CNTN5: variants seen among roughly 807,000 people sequenced by gnomAD.
CNTN5 encodes the protein contactin 5, also known as contactin-5.
In CNTN5, 77 loss-of-function variants were observed where a neutral mutation model predicts 129.1. The ratio of observed to expected loss-of-function variants is 0.60; its 90% CI spans 0.50 to 0.72. The LOEUF (loss-of-function observed/expected upper bound fraction) is 0.72. Ranked by LOEUF, CNTN5 falls within the 30% of genes least tolerant of loss-of-function variation. The pLI, the probability that CNTN5 is intolerant of heterozygous loss-of-function variation, is 0.00. For synonymous variants in CNTN5, 509 were observed against 465.6 expected (o/e 1.09, Z -1.20); for missense variants, 1,478 against 1,328.8 (o/e 1.11, Z -1.75).
In CNTN5 at chr11:99,415,836, GA is replaced by G. The variant is rs373796349; in HGVS notation, c.-71+90353del. 4.1e-4 allele frequency among the ~76,000 whole-genome samples: 63 copies of G among 152,298 alleles called. 2 individuals carry two copies. The East Asian group carries it at 0.011, about 27-fold the overall frequency. ...AGCTCTTCAACACTTTAGAATGGTA[GA>G]GGGGGCATCAATATTATGAAGAAGG... On this transcript the variant is annotated intron_variant, in intron 2 of 24. Coordinates refer to ENST00000524871, the MANE Select transcript of CNTN5 (RefSeq NM_014361.4).
intron 1 of CNTN5, among the ~76,000 whole-genome samples, chr11:99,153,922 T>C (rs1210840371): frequency 1.3e-5 from 2 of 151,718 alleles, no homozygotes; most frequent in Non-Finnish European, 2.9e-5. Context: ...GGATAAGGCT[T>C]AGCTCAGTAC....
At position 99,354,513 on chromosome 11, in the gene CNTN5, G is replaced by A. The variant is rs544598884; in HGVS notation, c.-71+29029G>A. On this transcript the variant is annotated intron_variant, in intron 2 of 24. Transcript: ENST00000524871. Reference sequence around the variant, plus strand: ...AGACAACACTAGTCAGTTGAAATGCGGATAATTTTTCTATGATGTTGTAAC... The same window carrying A: ...AGACAACACTAGTCAGTTGAAATGCAGATAATTTTTCTATGATGTTGTAAC... Among the ~76,000 whole-genome samples the A allele has an allele frequency of 3.9e-5, 6 of 152,228 alleles. No individual in the cohort carries two copies. The East Asian group carries it at 5.8e-4, about 15-fold the overall frequency.
intron 3 of CNTN5, among the ~76,000 whole-genome samples, chr11:99,783,877 G>A (rs560317755): frequency 1.7e-4 from 26 of 151,564 alleles, no homozygotes; most frequent in South Asian, 6.3e-4. Context: ...GCTAGATGAC[G>A]AGTTAGTGGG....
intron 4 of CNTN5, among the ~76,000 whole-genome samples, chr11:99,829,435 A>T (rs759360083): frequency 2.0e-5 from 3 of 152,222 alleles, no homozygotes; most frequent in Non-Finnish European, 4.4e-5. Context: ...CACAGTAGTC[A>T]GTCACTGATA....
At chr11:99,997,424 C>T (rs778290218) in intron 8 of CNTN5, among the ~76,000 whole-genome samples, 54 of 152,052 alleles carry the variant, frequency 3.6e-4, no homozygotes, top group Non-Finnish European at 5.9e-4. Flanking sequence ...ATAAATTCCT[C>T]GACACATACA....
At chr11:99,740,665 G>T (rs1943860689) in intron 3 of CNTN5, among the ~76,000 whole-genome samples, 1 of 152,126 alleles carries the variant, frequency 6.6e-6, no homozygotes, top group African/African-American at 2.4e-5. Flanking sequence ...CCCTCAGCAG[G>T]CATCAGGTAT....
chr11:100,192,257 T>C (rs1948515550), intron 14 of CNTN5, among the ~76,000 whole-genome samples: 1 of 152,016 alleles, frequency 6.6e-6, no homozygotes, highest in South Asian at 2.1e-4. Flanking sequence ...ACAAAAATGT[T>C]ATTTTCTTAA....
At chr11:99,293,167 G>A (rs1864241403) in intron 1 of CNTN5, among the ~76,000 whole-genome samples, 1 of 152,006 alleles carries the variant, frequency 6.6e-6, no homozygotes. Context: ...TGCCTTTGGG[G>A]CATCTGTGGA....
intron 3 of CNTN5, among the ~76,000 whole-genome samples, chr11:99,613,135 G>A (rs553994531): frequency 1.3e-5 from 2 of 152,294 alleles, no homozygotes; most frequent in Admixed American, 6.5e-5. Context: ...AAAGGAGGAT[G>A]ATATGGTTAG....
intron 2 of CNTN5, among the ~76,000 whole-genome samples, chr11:99,546,552 T>C (rs989620834): frequency 1.3e-5 from 2 of 152,144 alleles, no homozygotes; most frequent in Non-Finnish European, 2.9e-5. Flanking sequence ...AAATAAAGTC[T>C]CCTCCTCACA....
chr11:99,243,292 C>A (rs936108635), intron 1 of CNTN5, among the ~76,000 whole-genome samples: 2 of 151,750 alleles, frequency 1.3e-5, no homozygotes, highest in Non-Finnish European at 2.9e-5. Context: ...GTCTTTTGCC[C>A]ATTTTTTAAT....
chr11:99,809,503 T>C (rs1241519783), intron 3 of CNTN5, among the ~76,000 whole-genome samples: 1 of 152,172 alleles, frequency 6.6e-6, no homozygotes, highest in Admixed American at 6.6e-5. Context: ...TGTGTCTATG[T>C]CCAAAAATGT....
chr11:99,307,271 T>G (rs1591499514), intron 1 of CNTN5, among the ~76,000 whole-genome samples: 1 of 152,192 alleles, frequency 6.6e-6, no homozygotes, highest in East Asian at 1.9e-4. Context: ...TTCTAAAACT[T>G]CAAGTTGTCT....
intron 1 of CNTN5, among the ~76,000 whole-genome samples, chr11:99,188,602 C>T (rs143619446): frequency 2.9e-4 from 44 of 151,766 alleles, no homozygotes; most frequent in Non-Finnish European, 4.1e-4. Context: ...GAAAGGAACA[C>T]GATTTATTTA....
intron 6 of CNTN5, among the ~76,000 whole-genome samples, chr11:99,855,600 A>G (rs1565609161): frequency 6.6e-6 from 1 of 152,200 alleles, no homozygotes; most frequent in Non-Finnish European, 1.5e-5. Context: ...AAGAGAGTCC[A>G]TCTAGAGGAT....
chr11:99,050,223 G>C (rs752910471), intron 1 of CNTN5, among the ~76,000 whole-genome samples: 3 of 151,924 alleles, frequency 2.0e-5, no homozygotes, highest in Non-Finnish European at 4.4e-5. Flanking sequence ...TGACACTTCA[G>C]TAGAAAGAAA....
intron 1 of CNTN5, among the ~76,000 whole-genome samples, chr11:99,170,849 G>A (rs530124682): frequency 3.9e-4 from 59 of 152,322 alleles, no homozygotes; most frequent in African/African-American, 1.2e-3. Context: ...GTGCTAAATA[G>A]TCAGTGATCA....
chr11:100,035,000 T>C (rs1231910116), intron 9 of CNTN5, among the ~76,000 whole-genome samples: 1 of 152,168 alleles, frequency 6.6e-6, no homozygotes, highest in African/African-American at 2.4e-5. Flanking sequence ...CTTTAAGTTT[T>C]AGGGTACATG....
chr11:99,027,076 C>CAGCT (rs1485703397), intron 1 of CNTN5, among the ~76,000 whole-genome samples: 1 of 151,350 alleles, frequency 6.6e-6, no homozygotes, highest in Non-Finnish European at 1.5e-5. Context: ...ATGCACTCAC[C>CAGCT]AGCTACATCA....
Sources: allele counts gnomAD v4.1 joint callset (sites outside exome capture counted in the v4.1 genomes callset), GRCh38; gene constraint gnomAD v4.1.1; transcripts MANE v1.5; gene names NCBI Gene and HGNC (gene_info 2026-07-23, HGNC 2026-07-21).